Variants in TBC1D32 observed in about 807,000 individuals in gnomAD.
The protein encoded by TBC1D32 is TBC1 domain family member 32.
Under a neutral mutation model 170.3 loss-of-function variants are expected in TBC1D32, and 151 were observed. The ratio of observed to expected loss-of-function variants is 0.89; its 90% CI spans 0.78 to 1.01. The LOEUF is 1.01. TBC1D32 is among the 50% of genes least tolerant of loss of function. TBC1D32 has a pLI of 0.00. For missense variants in TBC1D32, 1,464 were observed against 1,457.1 expected (o/e 1.00, Z -0.08); for synonymous variants, 498 against 488.0 (o/e 1.02, Z -0.27).
chr6:121,176,748 G>A (rs183363549), intron 22 of TBC1D32, among the ~76,000 whole-genome samples: 8 of 152,046 alleles, frequency 5.3e-5, no homozygotes, highest in Non-Finnish European at 8.8e-5. Context: ...ACAGGCACGC[G>A]CCACCACGCC....
In TBC1D32 at chr6:121,192,081, T is replaced by TATATATCTCC. The variant is rs1191358364; in HGVS notation, c.2570+12993_2570+12994insGGAGATATAT. On this transcript the variant is annotated intron_variant, in intron 22 of 31. Coordinates refer to ENST00000398212, the MANE Select transcript of TBC1D32 (RefSeq NM_152730.6). ...AAACTACCCTTTATATATATATATA[T>TATATATCTCC]ATCCTATTAGTTCTATCCTTCTGGG... is the stretch of plus-strand genomic sequence containing the variant. Among the ~76,000 whole-genome samples, 31 of 132,502 alleles carry TATATATCTCC rather than the reference T, an allele frequency of 2.3e-4. 3 individuals are homozygous for TATATATCTCC. Among genetic ancestry groups the TATATATCTCC allele is most frequent in the Admixed American group, 2.0e-3 (20 of 9,932 alleles). The allele number at this position is 132,502 out of a possible 152,430, so 86.9% of individuals were successfully genotyped here.
At chr6:121,191,707 C>A (rs1045107951) in intron 22 of TBC1D32, among the ~76,000 whole-genome samples, 8 of 152,054 alleles carry the variant, frequency 5.3e-5, no homozygotes, top group Non-Finnish European at 1.0e-4. Context: ...TACTAAGTGT[C>A]AACTTGATTG....
At chr6:121,137,318 A>G (rs1782208675) in intron 24 of TBC1D32, among the ~76,000 whole-genome samples, 2 of 152,014 alleles carry the variant, frequency 1.3e-5, no homozygotes, top group South Asian at 2.1e-4. Flanking sequence ...TATCCATTCT[A>G]TATCCAGTTA....
intron 20 of TBC1D32, among the ~76,000 whole-genome samples, chr6:121,234,596 T>C (rs1032372459): frequency 6.6e-6 from 1 of 152,122 alleles, no homozygotes; most frequent in Admixed American, 6.6e-5. Flanking sequence ...TCTATTTCAC[T>C]GAAGAATTTT....
intron 14 of TBC1D32, among the ~76,000 whole-genome samples, chr6:121,281,052 T>C (rs1281062204): frequency 2.0e-5 from 3 of 151,788 alleles, no homozygotes; most frequent in Non-Finnish European, 4.4e-5. Context: ...AATTATATAA[T>C]GTAAGGGAAT....
At chr6:121,279,484 T>C (rs1470928770) in intron 14 of TBC1D32, among the ~76,000 whole-genome samples, 1 of 151,984 alleles carries the variant, frequency 6.6e-6, no homozygotes, top group Non-Finnish European at 1.5e-5. Flanking sequence ...ACCCAAACTA[T>C]TGAGAATTGC....
intron 2 of TBC1D32, among the ~76,000 whole-genome samples, chr6:121,320,884 CAAATG>C (rs1809611005): frequency 6.6e-6 from 1 of 152,024 alleles, no homozygotes; most frequent in South Asian, 2.1e-4. Context: ...AGCAAGTTTT[CAAATG>C]ACATCATGTA....
At chr6:121,244,006 G>C (rs1213063496) in intron 17 of TBC1D32, among the ~76,000 whole-genome samples, 1 of 151,934 alleles carries the variant, frequency 6.6e-6, no homozygotes, top group Admixed American at 6.6e-5. Context: ...AGGCAAACGA[G>C]GGAGTAAGAG....
Position 121,079,943 on chromosome 6 carries a change from CT to C in TBC1D32, c.*827del, listed in dbSNP as rs1303082724. 3 of 152,126 alleles carry C rather than the reference CT, an allele frequency of 2.0e-5. No homozygotes were observed. The highest frequency in any genetic ancestry group is 4.4e-5 in the Non-Finnish European group (3 of 68,008). The allele number at this position is 152,126 out of a possible 1,614,324, so 9.4% of individuals were successfully genotyped here. A position where few individuals can be genotyped will look rare whatever the true frequency, so the allele number is the denominator to read the frequency against. On this transcript the variant is annotated 3_prime_UTR_variant, in exon 32 of 32. Coordinates refer to ENST00000398212, the MANE Select transcript of TBC1D32 (RefSeq NM_152730.6). ...TTGATATGGGTATCAAAAGCAACTC[CT>C]AAAAAACAATTATGTCCAAGGACAA...
intron 20 of TBC1D32, among the ~76,000 whole-genome samples, chr6:121,226,111 ATCT>A (rs1330352342): frequency 6.6e-6 from 1 of 152,142 alleles, no homozygotes; most frequent in East Asian, 1.9e-4. Flanking sequence ...GTTGATAATG[ATCT>A]TCTATTCACT....
intron 21 of TBC1D32, among the ~76,000 whole-genome samples, chr6:121,206,888 T>C (rs1017034041): frequency 3.3e-4 from 50 of 152,190 alleles, no homozygotes; most frequent in Non-Finnish European, 6.0e-4. Context: ...CTCTCATTAA[T>C]TGCATCACAA....
Position 121,241,228 on chromosome 6 carries a change from C to T in TBC1D32, c.2245+237G>A, listed in dbSNP as rs540529942. Among the ~76,000 whole-genome samples the T allele has an allele frequency of 5.7e-4, 87 of 151,876 alleles. 1 individual carries two copies. Among genetic ancestry groups the T allele is most frequent in the African/African-American group, 1.6e-3 (68 of 41,392 alleles). ...CTGAGTTCATTATTTGCCATTGGTCCGAGGCAACAGAACAAGGTTGTATAT... is the reference window on the plus strand; with the variant it reads ...CTGAGTTCATTATTTGCCATTGGTCTGAGGCAACAGAACAAGGTTGTATAT... On this transcript the variant is annotated intron_variant, in intron 19 of 31. Coordinates refer to ENST00000398212, the MANE Select transcript of TBC1D32 (RefSeq NM_152730.6).
At chr6:121,088,231 A>C (rs945760031) in intron 31 of TBC1D32, among the ~76,000 whole-genome samples, 1 of 152,048 alleles carries the variant, frequency 6.6e-6, no homozygotes, top group African/African-American at 2.4e-5. Flanking sequence ...TGGGGATTAC[A>C]CGTGTGAGCC....
At chr6:121,314,980 A>G (rs1165750915) in intron 3 of TBC1D32, among the ~76,000 whole-genome samples, 1 of 152,220 alleles carries the variant, frequency 6.6e-6, no homozygotes, top group Non-Finnish European at 1.5e-5. Context: ...CAACATCCCT[A>G]TACGGGAAGT....
At chr6:121,318,508 T>C (rs1295029236) in intron 2 of TBC1D32, among the ~76,000 whole-genome samples, 1 of 151,960 alleles carries the variant, frequency 6.6e-6, no homozygotes, top group Non-Finnish European at 1.5e-5. Context: ...AATTTCTATA[T>C]TTAAAACAAA....
intron 20 of TBC1D32, among the ~76,000 whole-genome samples, chr6:121,225,789 TA>T: frequency 6.6e-6 from 1 of 152,232 alleles, no homozygotes; most frequent in Middle Eastern, 3.4e-3. Context: ...TCGGGCATTT[TA>T]AAAGATGTTA....
intron 24 of TBC1D32, among the ~76,000 whole-genome samples, chr6:121,150,522 G>A (rs57562948): frequency 0.012 from 1,889 of 152,304 alleles, 38 homozygotes; most frequent in African/African-American, 0.043. Context: ...CTCATGAAAT[G>A]AGTTGGGGAG....
intron 22 of TBC1D32, among the ~76,000 whole-genome samples, chr6:121,184,845 GCACATAAT>G (rs1788968850): frequency 6.6e-6 from 1 of 151,858 alleles, no homozygotes; most frequent in Admixed American, 6.6e-5. Context: ...TGGCCACTTT[GCACATAAT>G]CCCATTCAAG....
chr6:121,171,301 G>A (rs1256434914), intron 22 of TBC1D32, among the ~76,000 whole-genome samples: 14 of 131,142 alleles, frequency 1.1e-4, no homozygotes, highest in Admixed American at 3.3e-4. Flanking sequence ...AAACAGAGAC[G>A]AAAAGAAACT....
Sources: gnomAD v4.1 joint callset for allele counts (sites outside exome capture counted in the v4.1 genomes callset) on GRCh38, gnomAD v4.1.1 for gene constraint, MANE v1.5 for transcripts, NCBI Gene and HGNC (gene_info 2026-07-23, HGNC 2026-07-21) for gene names.